RP1: variants seen among roughly 807,000 people sequenced by gnomAD.
RP1 encodes RP1 axonemal microtubule associated.
In RP1, 16 loss-of-function variants were observed where a neutral mutation model predicts 14.8. That is an observed-to-expected ratio of 1.08 (90% CI 0.73 to 1.65). RP1 has a LOEUF of 1.65. Ranked by LOEUF, RP1 falls within the 40% of genes most tolerant of loss-of-function variation. The pLI, the probability that RP1 is intolerant of heterozygous loss-of-function variation, is 0.00. For synonymous variants in RP1, 876 were observed against 883.6 expected, an observed-to-expected ratio of 0.99 and a Z score of 0.15; for missense variants, 2,631 against 2,535.0, an observed-to-expected ratio of 1.04 and a Z score of -0.81.
chr8:54,836,653 C>T (rs2129402834), intron 24 of RP1, among the ~76,000 whole-genome samples: 1 of 152,248 alleles, frequency 6.6e-6, no homozygotes, highest in South Asian at 2.1e-4. Flanking sequence ...GGAAGCTTCC[C>T]CAGAGCCTCC....
Position 54,630,781 on chromosome 8 carries a change from T to C in RP1, c.*428T>C. ...TACTTCACTTATTCTTTTTAACTAC[T>C]GATTTGATAAAAAGTATGATTATAA... On this transcript the variant is annotated 3_prime_UTR_variant, in exon 4 of 4. Transcript: ENST00000220676. 2 of 1,004,854 alleles carry C rather than the reference T, an allele frequency of 2.0e-6. No homozygotes were observed. The highest frequency in any genetic ancestry group is 2.4e-6 in the Non-Finnish European group (2 of 841,986). The allele number at this position is 1,004,854 out of a possible 1,614,324, so 62.2% of individuals were successfully genotyped here.
At position 54,739,012 on chromosome 8, in the gene RP1, G is replaced by A. The variant is rs1298248858; in HGVS notation, c.2791G>A (p.Glu931Lys). 1.2e-5 allele frequency: 19 copies of A among 1,531,374 alleles called. 1 individual carries two copies. The East Asian group carries it at 1.5e-4, about 12-fold the overall frequency. The allele number at this position is 1,531,374 out of a possible 1,614,324, so 94.9% of individuals were successfully genotyped here. A position where few individuals can be genotyped will look rare whatever the true frequency, so the allele number is the denominator to read the frequency against. Residue 931 changes from glutamate to lysine, a missense_variant, in exon 19 of 23, where the codon GAG becomes AAG. Transcript: ENST00000636932. ...ACATGATGGAACCAGTGAGCAACCCGAGTGGAACTTGCAGAGGGTAATCAT... is the reference window on the plus strand; with the variant it reads ...ACATGATGGAACCAGTGAGCAACCCAAGTGGAACTTGCAGAGGGTAATCAT...
chr8:54,732,206 C>T (rs62514648), intron 17 of RP1, among the ~76,000 whole-genome samples: 6 of 152,302 alleles, frequency 3.9e-5, no homozygotes, highest in Non-Finnish European at 5.9e-5. Context: ...TGTCTTTCTG[C>T]GAAATTCTGA....
chr8:54,723,549 G>A (rs1025778853), intron 16 of RP1, among the ~76,000 whole-genome samples: 2 of 152,064 alleles, frequency 1.3e-5, no homozygotes, highest in African/African-American at 2.4e-5. Flanking sequence ...ATTTATATTC[G>A]CAGTGTATAC....
At chr8:54,579,338 T>C (rs1291810898) in intron 1 of RP1, among the ~76,000 whole-genome samples, 2 of 152,218 alleles carry the variant, frequency 1.3e-5, no homozygotes, top group African/African-American at 2.4e-5. Context: ...GCATGTTTTA[T>C]ATCCATAAAG....
rs1209994000 is a variant in RP1, at chr8:54,626,317, G to A, written c.2435G>A (p.Ser812Asn). ...FPHNESKYCKSTFENKSLFHV... is the reference protein window; with the variant it reads ...FPHNESKYCKNTFENKSLFHV... ...CACAATGAATCTAAATATTGCAAAA[G>A]TACTTTTGAAAACAAAAGTTTATTT... The change falls in exon 4 of 4, where the codon AGT (serine) becomes AAT (asparagine). Residue 812 changes from serine to asparagine, a missense_variant. Physicochemically the swap from Ser to Asn is conservative, Grantham distance 46. Coordinates refer to ENST00000220676, the MANE Select transcript of RP1 (RefSeq NM_006269.2). The A allele has an allele frequency of 5.6e-6, 9 of 1,613,116 alleles. No individual in the cohort carries two copies. Among genetic ancestry groups the A allele is most frequent in the African/African-American group, 2.7e-5 (2 of 74,796 alleles).
At chr8:54,620,912 C>T in intron 1 of RP1, 43 bp from the exon 2 acceptor site, 1 of 1,566,208 alleles carries the variant, frequency 6.4e-7, no homozygotes, top group Admixed American at 1.7e-5. Flanking sequence ...CATGTATTCG[C>T]TATGGTGCTG....
intron 3 of RP1, among the ~76,000 whole-genome samples, chr8:54,640,408 C>A: frequency 6.6e-6 from 1 of 152,106 alleles, no homozygotes; most frequent in Non-Finnish European, 1.5e-5. Context: ...TAAATTTTTC[C>A]AACTTTGTTC....
intron 27 of RP1, among the ~76,000 whole-genome samples, chr8:54,862,189 C>T (rs536395886): frequency 1.8e-4 from 28 of 152,144 alleles, no homozygotes; most frequent in Non-Finnish European, 4.4e-5. Context: ...AAGTCAGTTG[C>T]TAGGTAGGTC....
At chr8:54,624,558 T>A (rs925954768) in intron 3 of RP1, 112 bp from the exon 4 acceptor site, 1 of 998,470 alleles carries the variant, frequency 1.0e-6, no homozygotes, top group Admixed American at 1.9e-5. Flanking sequence ...TACTAATCAT[T>A]TCCCCTTTTC....
intron 1 of RP1, among the ~76,000 whole-genome samples, chr8:54,575,059 A>G (rs1804611940): frequency 6.6e-6 from 1 of 152,228 alleles, no homozygotes; most frequent in African/African-American, 2.4e-5. Flanking sequence ...TTTTGACTCA[A>G]CACAAATAAT....
chr8:54,722,222 A>T (rs866079172), intron 16 of RP1, among the ~76,000 whole-genome samples: 1 of 150,108 alleles, frequency 6.7e-6, no homozygotes, highest in African/African-American at 2.5e-5. Context: ...AAAAAAAAAA[A>T]GTTTATAGTA....
chr8:54,592,609 G>T (rs769992030), intron 1 of RP1, among the ~76,000 whole-genome samples: 3 of 152,130 alleles, frequency 2.0e-5, no homozygotes, highest in African/African-American at 7.2e-5. Context: ...GTCGGATTTG[G>T]TTGCTTGCAA....
intron 15 of RP1, among the ~76,000 whole-genome samples, chr8:54,707,425 G>A (rs2129345502): frequency 6.6e-6 from 1 of 152,232 alleles, no homozygotes; most frequent in South Asian, 2.1e-4. Flanking sequence ...GCCCAGACAG[G>A]GGTTTTTCTT....
exon 12 of RP1, chr8:54,679,926 C>A: frequency 2.0e-6 from 3 of 1,535,856 alleles, no homozygotes; most frequent in Non-Finnish European, 2.6e-6. Context: ...AGAAGACAGA[C>A]AAATATGGTA....
intron 3 of RP1, among the ~76,000 whole-genome samples, chr8:54,647,126 A>G (rs1806567475): frequency 6.6e-6 from 1 of 152,190 alleles, no homozygotes; most frequent in African/African-American, 2.4e-5. Flanking sequence ...TTTTTTACAA[A>G]CAGGCCAGGT....
chr8:54,820,284 C>T (rs1011546902), intron 24 of RP1, among the ~76,000 whole-genome samples: 3 of 152,052 alleles, frequency 2.0e-5, no homozygotes, highest in Non-Finnish European at 4.4e-5. Flanking sequence ...CTTGGCCACT[C>T]CAGCTTGTGT....
chr8:54,673,072 G>A (rs183093908), intron 7 of RP1, among the ~76,000 whole-genome samples: 97 of 152,182 alleles, frequency 6.4e-4, no homozygotes, highest in Admixed American at 5.6e-3. Flanking sequence ...TCTTAACAGT[G>A]CACTTACGTA....
Position 54,691,801 on chromosome 8 carries a change from CTTTTTA to C in RP1, c.1718-7655_1718-7650del, listed in dbSNP as rs529967961. ...TATATATATTTTTCAAAGTCTCTGGCTTTTTATTTTTATTTTATTTTATTATTATTA... is the reference window on the plus strand; with the variant it reads ...TATATATATTTTTCAAAGTCTCTGGCTTTTTATTTTATTTTATTATTATTA... On this transcript the variant is annotated intron_variant, in intron 12 of 22. Transcript: ENST00000636932. 2.0e-3 allele frequency among the ~76,000 whole-genome samples: 301 copies of C among 151,372 alleles called. 2 individuals are homozygous for C. The highest frequency in any genetic ancestry group is 3.4e-3 in the Non-Finnish European group (233 of 67,728).
Sources: gnomAD v4.1 joint callset for allele counts (sites outside exome capture counted in the v4.1 genomes callset) on GRCh38, gnomAD v4.1.1 for gene constraint, MANE v1.5 for transcripts, NCBI Gene and HGNC (gene_info 2026-07-23, HGNC 2026-07-21) for gene names.